The following NUBPL variants were observed in gnomAD, a reference collection of about 807,000 sequenced individuals.
NUBPL encodes iron-sulfur cluster transfer protein NUBPL.
NUBPL carries 31 observed loss-of-function variants against 45.7 expected under a neutral mutation model. The observed-to-expected ratio is 0.68, with a 90% confidence interval of 0.51 to 0.92. The LOEUF (loss-of-function observed/expected upper bound fraction) is 0.92. Among genes scored for constraint, NUBPL ranks in the 40% least tolerant of loss-of-function variants. The pLI, the probability that NUBPL is intolerant of heterozygous loss-of-function variation, is 0.00. For missense variants in NUBPL, 401 were observed against 398.7 expected, an observed-to-expected ratio of 1.01 and a Z score of -0.05; for synonymous variants, 144 against 140.9, an observed-to-expected ratio of 1.02 and a Z score of -0.15.
intron 4 of NUBPL, among the ~76,000 whole-genome samples, chr14:31,609,927 A>C (rs2034706193): frequency 1.3e-5 from 2 of 152,180 alleles, no homozygotes; most frequent in African/African-American, 4.8e-5. Flanking sequence ...AGCTGTACTA[A>C]GAGGGAAGTT....
intron 4 of NUBPL, among the ~76,000 whole-genome samples, chr14:31,639,649 C>G (rs569424964): frequency 2.0e-4 from 30 of 152,316 alleles, no homozygotes; most frequent in African/African-American, 6.5e-4. Flanking sequence ...GCAGACGTTA[C>G]TGCTGTCTTT....
intron 6 of NUBPL, among the ~76,000 whole-genome samples, chr14:31,701,599 C>G (rs574907774): frequency 8.3e-4 from 126 of 152,322 alleles, no homozygotes; most frequent in African/African-American, 2.9e-3. Context: ...TGCAGCTTCA[C>G]TCCTGAAGCC....
At chr14:31,703,565 C>A (rs542298612) in intron 6 of NUBPL, among the ~76,000 whole-genome samples, 2 of 152,302 alleles carry the variant, frequency 1.3e-5, no homozygotes, top group East Asian at 3.9e-4. Flanking sequence ...TTACCTCTTA[C>A]ATGGATGGCC....
At chr14:31,589,679 C>G (rs977072230) in intron 3 of NUBPL, among the ~76,000 whole-genome samples, 6 of 152,198 alleles carry the variant, frequency 3.9e-5, no homozygotes, top group African/African-American at 1.4e-4. Context: ...CACAAGCACA[C>G]ACACACCACA....
At chr14:31,667,401 A>C (rs1372316636) in intron 4 of NUBPL, among the ~76,000 whole-genome samples, 1 of 151,914 alleles carries the variant, frequency 6.6e-6, no homozygotes, top group Non-Finnish European at 1.5e-5. Flanking sequence ...CAGCACCATC[A>C]GGTCATTTAT....
In NUBPL at chr14:31,610,283, T is replaced by A. The variant is rs370989198; in HGVS notation, c.382+10904T>A. Among the ~76,000 whole-genome samples, 6 of 152,188 alleles carry A rather than the reference T, an allele frequency of 3.9e-5. No individual in the cohort carries two copies. The East Asian group carries it at 1.2e-3, about 29-fold the overall frequency. ...ATCATTAGTGGCTACTGTGAGTAAG[T>A]ACATGCCAATAAATTGGAAAATCTA... On this transcript the variant is annotated intron_variant, in intron 4 of 10. Transcript: ENST00000281081.
intron 9 of NUBPL, among the ~76,000 whole-genome samples, chr14:31,848,272 A>G (rs529537518): frequency 1.1e-4 from 17 of 152,330 alleles, no homozygotes; most frequent in African/African-American, 4.1e-4. Context: ...CATGGGTCCC[A>G]TGGTGTCTCC....
At chr14:31,639,483 C>G (rs900905172) in intron 4 of NUBPL, among the ~76,000 whole-genome samples, 1 of 152,184 alleles carries the variant, frequency 6.6e-6, no homozygotes, top group South Asian at 2.1e-4. Context: ...AGGTGTCAGT[C>G]TGCCCCTACT....
intron 7 of NUBPL, among the ~76,000 whole-genome samples, chr14:31,817,867 A>T (rs2039947794): frequency 6.6e-6 from 1 of 152,216 alleles, no homozygotes; most frequent in Admixed American, 6.5e-5. Context: ...CAGACTGTCA[A>T]ATTGGATAAA....
intron 6 of NUBPL, among the ~76,000 whole-genome samples, chr14:31,752,496 C>T (rs948734231): frequency 3.9e-5 from 6 of 152,222 alleles, no homozygotes; most frequent in Admixed American, 6.5e-5. Flanking sequence ...CAAGAGTGAC[C>T]TTTACTCCAG....
intron 7 of NUBPL, among the ~76,000 whole-genome samples, chr14:31,819,504 T>C (rs1387406681): frequency 1.3e-5 from 2 of 152,166 alleles, no homozygotes; most frequent in Non-Finnish European, 2.9e-5. Flanking sequence ...ATCTATGCCC[T>C]GGGGACTAGA....
chr14:31,592,475 G>T (rs2034167999), intron 3 of NUBPL, among the ~76,000 whole-genome samples: 1 of 152,104 alleles, frequency 6.6e-6, no homozygotes, highest in Admixed American at 6.5e-5. Flanking sequence ...TGAGAAGAAA[G>T]GCTGGGGTGA....
At chr14:31,687,321 CAT>C (rs1566500811) in intron 6 of NUBPL, among the ~76,000 whole-genome samples, 1 of 152,140 alleles carries the variant, frequency 6.6e-6, no homozygotes, top group African/African-American at 2.4e-5. Flanking sequence ...TAAAACATCA[CAT>C]ATGTCATGAA....
rs189990506 is a variant in NUBPL, at chr14:31,717,462, C to T, written c.513+43888C>T. On this transcript the variant is annotated intron_variant, in intron 6 of 10. Transcript: ENST00000281081. ...TGCTTCCTGTGCCTTCTTTTCCCTACCTCTACCTGGTTGCTATTCATTCCA... is the reference window on the plus strand; with the variant it reads ...TGCTTCCTGTGCCTTCTTTTCCCTATCTCTACCTGGTTGCTATTCATTCCA... Among the ~76,000 whole-genome samples the T allele has an allele frequency of 7.7e-4, 118 of 152,278 alleles. No homozygotes were observed. The Middle Eastern group carries it at 0.014, about 18-fold the overall frequency.
chr14:31,589,881 T>C (rs544227989), intron 3 of NUBPL, among the ~76,000 whole-genome samples: 20 of 152,366 alleles, frequency 1.3e-4, no homozygotes, highest in Middle Eastern at 3.4e-3. Flanking sequence ...TCCTCAGTAC[T>C]CTTTGGTCTA....
chr14:31,666,263 A>ATATATATATATAT, intron 4 of NUBPL, among the ~76,000 whole-genome samples: 4 of 111,872 alleles, frequency 3.6e-5, no homozygotes, highest in Admixed American at 1.0e-4. Context: ...ATATATATAT[A>ATATATATATATAT]ATTTTATTTT....
intron 3 of NUBPL, among the ~76,000 whole-genome samples, chr14:31,586,985 A>G (rs1483518540): frequency 6.6e-6 from 1 of 152,110 alleles, no homozygotes; most frequent in African/African-American, 2.4e-5. Flanking sequence ...GGACTCTATA[A>G]CCTCACTTTC....
intron 3 of NUBPL, among the ~76,000 whole-genome samples, chr14:31,599,000 G>A (rs1346888503): frequency 1.3e-5 from 2 of 152,148 alleles, no homozygotes; most frequent in African/African-American, 2.4e-5. Context: ...GTCTGCTTGA[G>A]ACTATATGAG....
chr14:31,784,664 G>A (rs1435403137), intron 6 of NUBPL, among the ~76,000 whole-genome samples: 1 of 152,082 alleles, frequency 6.6e-6, no homozygotes, highest in East Asian at 1.9e-4. Context: ...GAGGTCATGG[G>A]TAGTCTCGGG....
Sources: allele counts gnomAD v4.1 joint callset (sites outside exome capture counted in the v4.1 genomes callset), GRCh38; gene constraint gnomAD v4.1.1; transcripts MANE v1.5; gene names NCBI Gene and HGNC (gene_info 2026-07-23, HGNC 2026-07-21).